The following HEPHL1 variants were observed in gnomAD, a reference collection of about 807,000 sequenced individuals.
HEPHL1 encodes the protein ferroxidase HEPHL1.
In HEPHL1, 123 loss-of-function variants were observed where a neutral mutation model predicts 122.0. The ratio of observed to expected loss-of-function variants is 1.01; its 90% CI spans 0.87 to 1.17. HEPHL1 has a LOEUF of 1.17. Among genes scored for constraint, HEPHL1 ranks in the 50% most tolerant of loss-of-function variants. HEPHL1 has a pLI of 0.00. For missense variants in HEPHL1, 1,452 were observed against 1,430.5 expected (o/e 1.01, Z -0.24); for synonymous variants, 527 against 508.9 (o/e 1.04, Z -0.48).
intron 10 of HEPHL1, among the ~76,000 whole-genome samples, chr11:94,083,246 T>C (rs1946187810): frequency 6.6e-6 from 1 of 152,182 alleles, no homozygotes; most frequent in Non-Finnish European, 1.5e-5. Flanking sequence ...TATAATTAAG[T>C]AGTATGAATG....
intron 5 of HEPHL1, among the ~76,000 whole-genome samples, chr11:94,069,014 G>T (rs1249761358): frequency 3.9e-5 from 6 of 151,994 alleles, no homozygotes; most frequent in Admixed American, 3.3e-4. Context: ...AAATTAATCA[G>T]TTAATATGTA....
chr11:94,065,750 T>C (rs1224782827), intron 4 of HEPHL1, among the ~76,000 whole-genome samples: 1 of 152,206 alleles, frequency 6.6e-6, no homozygotes, highest in Admixed American at 6.5e-5. Flanking sequence ...ATCTCAAATA[T>C]TGCAGAAAAC....
intron 1 of HEPHL1, among the ~76,000 whole-genome samples, chr11:94,042,890 A>AAAAAAAAAAAAAAAAAAC (rs1945799167): frequency 6.7e-6 from 1 of 148,788 alleles, no homozygotes; most frequent in South Asian, 2.2e-4. Context: ...AAAAAAAAAA[A>AAAAAAAAAAAAAAAAAAC]AAACTGCATG....
chr11:94,096,116 T>G (rs1189355688), intron 13 of HEPHL1, among the ~76,000 whole-genome samples: 1 of 152,330 alleles, frequency 6.6e-6, no homozygotes, highest in Admixed American at 6.5e-5. Context: ...AAGGGAATGC[T>G]TCCAGTTTTT....
intron 11 of HEPHL1, among the ~76,000 whole-genome samples, chr11:94,088,503 TGG>T (rs1377319889): frequency 6.6e-6 from 1 of 152,124 alleles, no homozygotes; most frequent in Non-Finnish European, 1.5e-5. Context: ...AGTCATTTCT[TGG>T]TAGCAATATT....
chr11:94,088,958 A>G lies in HEPHL1; in HGVS notation c.2284A>G (p.Arg762Gly). Residue 762 changes from arginine to glycine, a missense_variant, in exon 12 of 20, where the codon AGA becomes GGA. By Grantham distance (125) the Arg-to-Gly change is moderately radical (BLOSUM62 -2). Transcript: ENST00000315765. The part of the protein sequence containing the change: ...WEFEKQHVDA[R>G]GERHGDIFMN... ...GTTCGAAAAGCAGCACGTGGACGCA[A>G]GAGGGGAAAGGTACCACAGGCGCCG... 1 of 1,613,972 alleles carries G rather than the reference A, an allele frequency of 6.2e-7. No homozygotes were observed. Among genetic ancestry groups the G allele is most frequent in the Non-Finnish European group, 8.5e-7 (1 of 1,179,864 alleles).
intron 2 of HEPHL1, among the ~76,000 whole-genome samples, chr11:94,056,374 A>G (rs1369638867): frequency 6.6e-6 from 1 of 151,900 alleles, no homozygotes; most frequent in Non-Finnish European, 1.5e-5. Flanking sequence ...TTTGATTTAT[A>G]TTTGTCATTT....
intron 1 of HEPHL1, 116 bp downstream of exon 1, chr11:94,021,654 G>T: frequency 1.2e-6 from 1 of 809,606 alleles, no homozygotes; most frequent in Non-Finnish European, 2.0e-6. Flanking sequence ...TAGACCAAGA[G>T]AAGGTGTTTT....
intron 12 of HEPHL1, 141 bp from the exon 13 acceptor site, chr11:94,093,360 C>A: frequency 1.1e-6 from 1 of 887,396 alleles, no homozygotes; most frequent in Non-Finnish European, 1.8e-6. Context: ...AAGTATGGTG[C>A]AAAAGGCCTG....
intron 1 of HEPHL1, among the ~76,000 whole-genome samples, chr11:94,025,620 A>G (rs978126292): frequency 6.6e-6 from 1 of 152,122 alleles, no homozygotes; most frequent in Admixed American, 6.5e-5. Flanking sequence ...AGAGTCTGTT[A>G]GTTGACCCAG....
At chr11:94,041,974 A>C (rs1945785091) in intron 1 of HEPHL1, among the ~76,000 whole-genome samples, 1 of 67,686 alleles carries the variant, frequency 1.5e-5, no homozygotes, top group African/African-American at 6.5e-5. Flanking sequence ...CAACCTACTC[A>C]TCTGACAAAG....
chr11:94,101,828 A>G lies in HEPHL1; in HGVS notation c.2575+493A>G, dbSNP rs370459492. 2.6e-5 allele frequency among the ~76,000 whole-genome samples: 4 copies of G among 152,194 alleles called. No homozygotes were observed. In the East Asian group the frequency reaches 7.7e-4, roughly 29 times the overall value. ...CTGTCTCCATAGCTGTTCTTACAGT[A>G]GCTCCCCCTTATCACGGTTTTGCTT... On this transcript the variant is annotated intron_variant, in intron 14 of 19. Coordinates refer to ENST00000315765, the MANE Select transcript of HEPHL1 (RefSeq NM_001098672.2).
At chr11:94,106,153 G>A (rs758888286) in intron 17 of HEPHL1, 23 bp downstream of exon 17, 2 of 1,510,780 alleles carry the variant, frequency 1.3e-6, no homozygotes, top group South Asian at 2.7e-5. Context: ...AAAGTGCTTT[G>A]GGAAAGACGT....
intron 9 of HEPHL1, among the ~76,000 whole-genome samples, chr11:94,080,588 A>G (rs1422607698): frequency 6.6e-6 from 1 of 152,200 alleles, no homozygotes; most frequent in Non-Finnish European, 1.5e-5. Flanking sequence ...AAGGAACTTA[A>G]ACAAATTTAA....
At chr11:94,101,580 T>A (rs1946367585) in intron 14 of HEPHL1, among the ~76,000 whole-genome samples, 1 of 152,238 alleles carries the variant, frequency 6.6e-6, no homozygotes, top group Non-Finnish European at 1.5e-5. Flanking sequence ...ACATTTGTTG[T>A]AATTGATGAA....
intron 1 of HEPHL1, among the ~76,000 whole-genome samples, chr11:94,041,956 A>T (rs1321989847): frequency 3.7e-5 from 3 of 81,394 alleles, no homozygotes; most frequent in Non-Finnish European, 7.1e-5. Context: ...CATGGGAGAA[A>T]ATTTTCGCAA....
intron 10 of HEPHL1, among the ~76,000 whole-genome samples, chr11:94,085,103 C>T (rs1414611704): frequency 6.6e-6 from 1 of 152,054 alleles, no homozygotes; most frequent in Non-Finnish European, 1.5e-5. Context: ...ATTTATTTCT[C>T]CAAGAAACAT....
chr11:94,053,351 C>T (rs1945907962), intron 2 of HEPHL1, among the ~76,000 whole-genome samples: 2 of 151,976 alleles, frequency 1.3e-5, no homozygotes, highest in Non-Finnish European at 2.9e-5. Context: ...TTCTCTTTCT[C>T]TCTTGGCCAG....
rs2134427706 is a variant in HEPHL1, at chr11:94,064,420, T to C, written c.718T>C (p.Tyr240His). 1 of 1,612,334 alleles carries C rather than the reference T, an allele frequency of 6.2e-7. No individual in the cohort carries two copies. Among genetic ancestry groups the C allele is most frequent in the South Asian group, 1.1e-5 (1 of 91,048 alleles). Reference protein sequence around the residue: ...FTLVDENQSWYLNENIKHFCT... With the variant: ...FTLVDENQSWHLNENIKHFCT... ...TCTTGTGGATGAGAATCAAAGCTGG[T>C]ACCTCAATGAAAATATCAAACATTT... Residue 240 changes from tyrosine to histidine, a missense_variant, in exon 4 of 20, where the codon TAC becomes CAC. Tyr to His is a moderately conservative substitution (Grantham distance 83). Coordinates refer to ENST00000315765, the MANE Select transcript of HEPHL1 (RefSeq NM_001098672.2).
Sources: allele counts gnomAD v4.1 joint callset (sites outside exome capture counted in the v4.1 genomes callset), GRCh38; gene constraint gnomAD v4.1.1; transcripts MANE v1.5; gene names NCBI Gene and HGNC (gene_info 2026-07-23, HGNC 2026-07-21).